Variants in DCTN1 observed in about 807,000 individuals in gnomAD.
DCTN1 encodes the protein dynactin subunit 1.
Under a neutral mutation model 161.2 loss-of-function variants are expected in DCTN1, and 61 were observed. That is an observed-to-expected ratio of 0.38 (90% CI 0.31 to 0.47). The LOEUF is 0.47. Among genes scored for constraint, DCTN1 ranks in the 20% least tolerant of loss-of-function variants. The probability of loss-of-function intolerance (pLI) is 0.99; values close to 1 mark genes in which losing one functional copy is unlikely to be tolerated. For missense variants in DCTN1, 1,404 were observed against 1,623.7 expected, an observed-to-expected ratio of 0.86 and a Z score of 2.33; for synonymous variants, 653 against 632.4, an observed-to-expected ratio of 1.03 and a Z score of -0.49.
chr2:74,391,325 G>T (rs1264979231), intron 1 of DCTN1: 1 of 176,246 alleles, frequency 5.7e-6, no homozygotes, highest in Non-Finnish European at 1.2e-5. Flanking sequence ...AAAGACAAGG[G>T]ATGCGCAAGA....
rs763412549 is a variant in DCTN1, at chr2:74,363,273, T to A, written c.3345+21A>T. On this transcript the variant is annotated intron_variant, in intron 28 of 31. Transcript: ENST00000628224. ...AAATATGCTCCATCTCCCATCCCAGTCCTCCCCGTGGCTCCCTCACCTTGA... is the reference window on the plus strand; with the variant it reads ...AAATATGCTCCATCTCCCATCCCAGACCTCCCCGTGGCTCCCTCACCTTGA... The A allele has an allele frequency of 1.9e-6, 3 of 1,613,906 alleles. No homozygotes were observed. The East Asian group carries it at 6.7e-5, about 36-fold the overall frequency.
intron 5 of DCTN1, 156 bp from the exon 6 acceptor site, chr2:74,374,496 A>C: frequency 1.3e-6 from 2 of 1,496,790 alleles, no homozygotes; most frequent in African/African-American, 2.8e-5. Flanking sequence ...TTAGTGCATC[A>C]AATCCCAACA....
chr2:74,383,233 G>A (rs537052733), upstream of DCTN1, among the ~76,000 whole-genome samples: 9 of 152,344 alleles, frequency 5.9e-5, no homozygotes, highest in South Asian at 1.2e-3. Flanking sequence ...CTGAAGTAAC[G>A]AATTGTAGAT....
At chr2:74,367,538 G>A in intron 18 of DCTN1, 118 bp from the exon 19 acceptor site, 2 of 1,480,288 alleles carry the variant, frequency 1.4e-6, no homozygotes, top group Non-Finnish European at 1.9e-6. Flanking sequence ...AGAATCCAAA[G>A]CCCTCAAGCA....
Position 74,370,315 on chromosome 2 carries a change from C to T in DCTN1, c.1158G>A (p.Gln386=). ...TGAGCTTCTGGAGCTTCACATGCTC[C>T]TGCTTCTCTGAGGAAGAAAGATCCC... The part of the protein sequence containing the change: ...RMRDLSSSEK[Q]EHVKLQKLME... The change falls in exon 12 of 32, where the codon CAG becomes CAA. Residue 386 remains glutamine (Q), a synonymous_variant. Coordinates refer to ENST00000628224, the MANE Select transcript of DCTN1 (RefSeq NM_004082.5). This position sits in a 1 kb window ranked among gnomAD's most constrained non-coding sequence, Gnocchi z 4.4. 6.2e-7 allele frequency: 1 copy of T among 1,614,052 alleles called. No individual in the cohort carries two copies. Among genetic ancestry groups the T allele is most frequent in the Admixed American group, 1.7e-5 (1 of 60,032 alleles).
chr2:74,361,510 G>A lies in DCTN1; in HGVS notation c.3826C>T (p.Leu1276Phe). The stretch of plus-strand genomic sequence containing the variant: ...GGGGAAAGGAGTGCTTAGGAGATGA[G>A]GCGACTGTGAAGCTGGTGCAGCTGC... ...QEQLHQLHSR[L>F]IS The change falls in exon 32 of 32, where the codon CTC becomes TTC. Residue 1276 changes from leucine (L) to phenylalanine (F), a missense_variant. Physicochemically the swap from Leu to Phe is conservative, Grantham distance 22. Around this residue, in one of 9 missense-constraint regions of DCTN1, gnomAD observed 311 missense variants for 298.9 expected, o/e 1.04. Coordinates refer to ENST00000628224, the MANE Select transcript of DCTN1 (RefSeq NM_004082.5). 6.2e-7 allele frequency: 1 copy of A among 1,614,144 alleles called. No individual in the cohort carries two copies. The highest frequency in any genetic ancestry group is 8.5e-7 in the Non-Finnish European group (1 of 1,180,022).
intron 5 of DCTN1, 115 bp from the exon 6 acceptor site, chr2:74,374,455 G>T: frequency 6.4e-7 from 1 of 1,570,512 alleles, no homozygotes; most frequent in Non-Finnish European, 8.6e-7. Flanking sequence ...GCAAGAGACC[G>T]AACAGAGGGA....
chr2:74,369,927 G>A lies in DCTN1; in HGVS notation c.1392+38C>T, dbSNP rs1202631403. The A allele has an allele frequency of 1.3e-6, 2 of 1,599,964 alleles. No individual in the cohort carries two copies. Among genetic ancestry groups the A allele is most frequent in the Non-Finnish European group, 1.7e-6 (2 of 1,167,658 alleles). On this transcript the variant is annotated intron_variant, in intron 13 of 31. Transcript: ENST00000628224. This position sits in a 1 kb window ranked among gnomAD's most constrained non-coding sequence, Gnocchi z 4.9. Reference sequence around the variant, plus strand: ...TCACATGTCAATCTTTTTCTCAGCAGGTCCAAGTCAGATGTCAGGGGTCTG... The same window carrying A: ...TCACATGTCAATCTTTTTCTCAGCAAGTCCAAGTCAGATGTCAGGGGTCTG...
chr2:74,365,698 C>G (rs1270545154), intron 24 of DCTN1, 41 bp from the exon 25 acceptor site: 1 of 1,613,926 alleles, frequency 6.2e-7, no homozygotes, highest in Non-Finnish European at 8.5e-7. Flanking sequence ...ACATCCTCCC[C>G]ACAGTCCCTG....
In DCTN1 at chr2:74,378,184, C is replaced by T. The variant is rs988197992; in HGVS notation, c.95G>A (p.Arg32His). 1.1e-5 allele frequency: 18 copies of T among 1,613,564 alleles called. No homozygotes were observed. The highest frequency in any genetic ancestry group is 1.4e-5 in the Non-Finnish European group (16 of 1,180,044). The part of the protein sequence containing the change: ...ASARPLRVGS[R>H]VEVIGKGHRG... ...GTGGCCTTTTCCAATCACCTCTACA[C>T]GGGAGCCCACCCGCAGAGGCCGGGC... The change falls in exon 2 of 32, where the codon CGT becomes CAT. Residue 32 changes from arginine (R) to histidine (H), a missense_variant. Transcript: ENST00000628224.
rs747104458 is a variant in DCTN1, at chr2:74,379,976, C to T, written c.33+29G>A. 8 of 1,613,074 alleles carry T rather than the reference C, an allele frequency of 5.0e-6. No homozygotes were observed. In the South Asian group the frequency reaches 7.7e-5, roughly 15 times the overall value. ...AGCCAGGCCTTCCCCAGCAGCCCTC[C>T]AGGGCCATCCCAGATTAGGGCCACT... On this transcript the variant is annotated intron_variant, in intron 1 of 31. Coordinates refer to ENST00000628224, the MANE Select transcript of DCTN1 (RefSeq NM_004082.5).
intron 25 of DCTN1, 126 bp from the exon 26 acceptor site, chr2:74,365,367 G>C (rs1252380982): frequency 4.5e-6 from 7 of 1,549,070 alleles, no homozygotes; most frequent in Non-Finnish European, 5.3e-6. Flanking sequence ...ACAGGCTTAG[G>C]CTGGGGTGAT....
Position 74,377,418 on chromosome 2 carries a change from C to A in DCTN1, c.393+14G>T. 1.2e-6 allele frequency: 2 copies of A among 1,611,846 alleles called. No homozygotes were observed. The highest frequency in any genetic ancestry group is 2.2e-5 in the East Asian group (1 of 44,876). ...CCCTTTATTATTCCCCATTCCCACC[C>A]CCAAATCACTCACCAGTTTGCTAGT... On this transcript the variant is annotated intron_variant, in intron 4 of 31. Transcript: ENST00000628224.
chr2:74,367,769 T>G lies in DCTN1; in HGVS notation c.2111A>C (p.Glu704Ala), dbSNP rs560619996. The G allele has an allele frequency of 6.2e-7, 1 of 1,614,172 alleles. No individual in the cohort carries two copies. The highest frequency in any genetic ancestry group is 1.1e-5 in the South Asian group (1 of 91,086). ...ATCCAGCTGATCCTTGTGCAGCAGT[T>G]CAATGAGGAAATCCAAGGAGCGCTC... ...AHERSLDFLI[E>A]LLHKDQLDET... is the part of the protein sequence containing the mutation. The change falls in exon 18 of 32, where the codon GAA (glutamate) becomes GCA (alanine). Residue 704 changes from glutamate to alanine, a missense_variant. Coordinates refer to ENST00000628224, the MANE Select transcript of DCTN1 (RefSeq NM_004082.5).
Position 74,370,648 on chromosome 2 carries a change from T to C in DCTN1, c.1021A>G (p.Ile341Val). 1 of 1,614,170 alleles carries C rather than the reference T, an allele frequency of 6.2e-7. No homozygotes were observed. The highest frequency in any genetic ancestry group is 8.5e-7 in the Non-Finnish European group (1 of 1,180,040). The change falls in exon 10 of 32, where the codon ATC becomes GTC. Residue 341 changes from isoleucine (I) to valine (V), a missense_variant. Physicochemically the swap from Ile to Val is conservative, Grantham distance 29. Coordinates refer to ENST00000628224, the MANE Select transcript of DCTN1 (RefSeq NM_004082.5). This position sits in a 1 kb window ranked among gnomAD's most constrained non-coding sequence, Gnocchi z 4.4. The part of the protein sequence containing the change: ...RVDELTTDLE[I>V]LKAEIEEKGS... Reference sequence around the variant, plus strand: ...TTCTCTTCAATCTCAGCCTTGAGGATCTCTAAGTCAGTAGTGAGCTCGTCC... The same window carrying C: ...TTCTCTTCAATCTCAGCCTTGAGGACCTCTAAGTCAGTAGTGAGCTCGTCC...
rs1464311015 is a variant in DCTN1, at chr2:74,371,599, T to C, written c.583A>G (p.Ile195Val). The C allele has an allele frequency of 1.3e-6, 2 of 1,589,192 alleles. No homozygotes were observed. The highest frequency in any genetic ancestry group is 2.3e-5 in the East Asian group (1 of 43,986). The change falls in exon 8 of 32, where the codon ATC becomes GTC. Residue 195 changes from isoleucine (I) to valine (V), a missense_variant. By Grantham distance (29) the Ile-to-Val change is conservative. Transcript: ENST00000628224. ...TPAQTPLAAPIIPTPVLTSPG... is the reference protein window; with the variant it reads ...TPAQTPLAAPVIPTPVLTSPG... ...GAGGTGAGGACCGGCGTGGGGATGA[T>C]GGGTGCTGCCAGCGGAGTCTGAGCC...
At chr2:74,374,382 A>G (rs1675091420) in intron 5 of DCTN1, 42 bp from the exon 6 acceptor site, 3 of 1,612,634 alleles carry the variant, frequency 1.9e-6, no homozygotes, top group Admixed American at 3.3e-5. Context: ...CAAGGAGAGG[A>G]AAGAGGAGGG....
At chr2:74,378,613 G>A (rs535881925) in intron 1 of DCTN1, among the ~76,000 whole-genome samples, 6 of 152,282 alleles carry the variant, frequency 3.9e-5, no homozygotes, top group Admixed American at 3.3e-4. Context: ...TTTAGACCAG[G>A]CTCCCCACAA....
In DCTN1 at chr2:74,377,373, C is replaced by T. The variant is rs985245218; in HGVS notation, c.393+59G>A. ...TCTACCTGCCTAGCACTGGGTATCC[C>T]TCCTCTTTCTCCTTCCCCTCCCTTT... On this transcript the variant is annotated intron_variant, in intron 4 of 31. Coordinates refer to ENST00000628224, the MANE Select transcript of DCTN1 (RefSeq NM_004082.5). 5 of 1,464,676 alleles carry T rather than the reference C, an allele frequency of 3.4e-6. No homozygotes were observed. The Admixed American group carries it at 5.0e-5, about 15-fold the overall frequency. The allele number at this position is 1,464,676 out of a possible 1,614,324, so 90.7% of individuals were successfully genotyped here.
Sources: gnomAD v4.1 joint callset for allele counts (sites outside exome capture counted in the v4.1 genomes callset) on GRCh38, gnomAD v4.1.1 for gene constraint, gnomAD v4.1.1 regional missense constraint, Gnocchi (gnomAD v3.1) non-coding constraint, MANE v1.5 for transcripts, NCBI Gene and HGNC (gene_info 2026-07-23, HGNC 2026-07-21) for gene names.